PTPRT: variants seen among roughly 807,000 people sequenced by gnomAD.
The protein encoded by PTPRT is protein tyrosine phosphatase receptor type T.
PTPRT carries 56 observed loss-of-function variants against 176.8 expected under a neutral mutation model. That is an observed-to-expected ratio of 0.32 (90% confidence interval 0.26 to 0.40). The LOEUF is 0.40. Among genes scored for constraint, PTPRT ranks in the 10% least tolerant of loss-of-function variants. The pLI is 1.00. For synonymous variants in PTPRT, 783 were observed against 739.0 expected, an observed-to-expected ratio of 1.06 and a Z score of -0.96; for missense variants, 1,540 against 1,908.2, an observed-to-expected ratio of 0.81 and a Z score of 3.60.
intron 2 of PTPRT, among the ~76,000 whole-genome samples, chr20:42,827,224 C>T (rs1211120763): frequency 6.6e-6 from 1 of 152,122 alleles, no homozygotes; most frequent in Non-Finnish European, 1.5e-5. Context: ...CTCTACAGAA[C>T]TCTCTACCCC....
chr20:42,346,152 T>G (rs1000829710), intron 11 of PTPRT, among the ~76,000 whole-genome samples: 1 of 152,052 alleles, frequency 6.6e-6, no homozygotes, highest in South Asian at 2.1e-4. Context: ...TGGCCCAGGT[T>G]CTGAAGTCCA....
intron 7 of PTPRT, among the ~76,000 whole-genome samples, chr20:42,604,837 TG>T (rs957760921): frequency 1.3e-5 from 2 of 152,194 alleles, no homozygotes; most frequent in African/African-American, 4.8e-5. Context: ...GCATGGCTCA[TG>T]AAACATGATA....
At chr20:43,043,640 CCCG>C in intron 1 of PTPRT, among the ~76,000 whole-genome samples, 1 of 152,294 alleles carries the variant, frequency 6.6e-6, no homozygotes, top group East Asian at 1.9e-4. Context: ...ACAATCCTAA[CCCG>C]CTTCATTCCT....
chr20:43,032,141 T>TC (rs1369959583), intron 1 of PTPRT, among the ~76,000 whole-genome samples: 17 of 152,192 alleles, frequency 1.1e-4, no homozygotes, highest in Admixed American at 9.8e-4. Context: ...GAAACCTGAG[T>TC]CCCTTGTCTG....
At chr20:42,601,151 G>A (rs750984904) in intron 7 of PTPRT, among the ~76,000 whole-genome samples, 2 of 152,110 alleles carry the variant, frequency 1.3e-5, no homozygotes, top group Non-Finnish European at 2.9e-5. Context: ...GATAGAATGA[G>A]CTACTCTCCA....
intron 1 of PTPRT, among the ~76,000 whole-genome samples, chr20:43,082,476 AC>A (rs1192614042): frequency 6.6e-6 from 1 of 151,998 alleles, no homozygotes; most frequent in Non-Finnish European, 1.5e-5. Context: ...GCAAGACACA[AC>A]CCTTGGACTG....
intron 7 of PTPRT, among the ~76,000 whole-genome samples, chr20:42,490,630 A>T (rs566339415): frequency 6.6e-6 from 1 of 152,284 alleles, no homozygotes; most frequent in South Asian, 2.1e-4. Context: ...AAGGATTATC[A>T]TATCATCTAC....
intron 7 of PTPRT, among the ~76,000 whole-genome samples, chr20:42,577,038 C>T (rs1218796566): frequency 6.6e-6 from 1 of 151,990 alleles, no homozygotes; most frequent in East Asian, 1.9e-4. Context: ...CAATAAAGTA[C>T]ACAAGAAAGT....
At chr20:43,049,825 A>G (rs1267491110) in intron 1 of PTPRT, among the ~76,000 whole-genome samples, 1 of 152,240 alleles carries the variant, frequency 6.6e-6, no homozygotes, top group Non-Finnish European at 1.5e-5. Context: ...TAAATGAGAT[A>G]GGAGCTAGAA....
chr20:42,524,243 CACT>C (rs1210994873), intron 7 of PTPRT, among the ~76,000 whole-genome samples: 1 of 152,092 alleles, frequency 6.6e-6, no homozygotes, highest in Non-Finnish European at 1.5e-5. Flanking sequence ...CCTTGCTCAC[CACT>C]GATTTTTGCA....
At chr20:42,133,291 G>T (rs1988215772) in intron 18 of PTPRT, among the ~76,000 whole-genome samples, 1 of 152,140 alleles carries the variant, frequency 6.6e-6, no homozygotes, top group Non-Finnish European at 1.5e-5. Flanking sequence ...GGTTTATGGG[G>T]ATATAACCTC....
intron 9 of PTPRT, among the ~76,000 whole-genome samples, chr20:42,402,852 G>T (rs1367550511): frequency 6.6e-6 from 1 of 151,990 alleles, no homozygotes; most frequent in Non-Finnish European, 1.5e-5. Flanking sequence ...GTGTGTGTGT[G>T]TATACACATG....
intron 5 of PTPRT, among the ~76,000 whole-genome samples, chr20:42,763,292 C>G (rs80145578): frequency 0.017 from 2,595 of 152,200 alleles, 70 homozygotes; most frequent in African/African-American, 0.06. Context: ...GAGCAGGAAG[C>G]CTTGAAATTG....
chr20:42,933,206 G>T lies in PTPRT; in HGVS notation c.89-47274C>A, dbSNP rs540799347. 2.6e-5 allele frequency among the ~76,000 whole-genome samples: 4 copies of T among 152,242 alleles called. No homozygotes were observed. In the East Asian group the frequency reaches 7.7e-4, roughly 29 times the overall value. On this transcript the variant is annotated intron_variant, in intron 1 of 30. Transcript: ENST00000373187. ...AGCTAATTCATACCTCAGGGCCTTT[G>T]CACAGGCCAAACCTTCAGCCAAGAA... is the stretch of plus-strand genomic sequence containing the variant.
Position 42,161,478 on chromosome 20 carries a change from G to T in PTPRT, c.2556C>A (p.Thr852=), listed in dbSNP as rs368135557. 8 of 1,614,026 alleles carry T rather than the reference G, an allele frequency of 5.0e-6. No individual in the cohort carries two copies. The highest frequency in any genetic ancestry group is 3.3e-5 in the South Asian group (3 of 91,070). ...GGTAGCTCATCTCCACAGGGTCACA[G>T]GTGCGGTAGGGATGAGTCTGGATCG... ...TLTIQTHPYR[T]CDPVEMSYPR... The change falls in exon 17 of 31, where the codon ACC becomes ACA. Residue 852 remains threonine, a synonymous_variant. Transcript: ENST00000373187.
chr20:42,097,712 A>G (rs1025459871), intron 27 of PTPRT, among the ~76,000 whole-genome samples: 1 of 152,252 alleles, frequency 6.6e-6, no homozygotes, highest in African/African-American at 2.4e-5. Context: ...TGGGAATTCA[A>G]TGTTACTTTA....
intron 1 of PTPRT, among the ~76,000 whole-genome samples, chr20:43,109,966 G>A (rs554577983): frequency 2.0e-5 from 3 of 152,308 alleles, no homozygotes; most frequent in South Asian, 2.1e-4. Flanking sequence ...GGTAAAAAGC[G>A]TTTTATCTCA....
At chr20:42,089,455 G>C (rs1267077789) in intron 27 of PTPRT, among the ~76,000 whole-genome samples, 2 of 152,176 alleles carry the variant, frequency 1.3e-5, no homozygotes, top group Non-Finnish European at 2.9e-5. Flanking sequence ...AATATCTTCA[G>C]TCTGGAGAGA....
intron 7 of PTPRT, among the ~76,000 whole-genome samples, chr20:42,541,130 T>TA (rs1340454572): frequency 6.6e-6 from 1 of 152,086 alleles, no homozygotes; most frequent in African/African-American, 2.4e-5. Flanking sequence ...GATAGATTTT[T>TA]AAAAATATAA....
Sources: allele counts gnomAD v4.1 joint callset (sites outside exome capture counted in the v4.1 genomes callset), GRCh38; gene constraint gnomAD v4.1.1; transcripts MANE v1.5; gene names NCBI Gene and HGNC (gene_info 2026-07-23, HGNC 2026-07-21).